SORCS3: variants seen among roughly 807,000 people sequenced by gnomAD.
SORCS3 encodes VPS10 domain-containing receptor SorCS3.
Under a neutral mutation model 146.3 loss-of-function variants are expected in SORCS3, and 57 were observed. The ratio of observed to expected loss-of-function variants is 0.39; its 90% CI spans 0.31 to 0.49. The LOEUF is 0.49. Ranked by LOEUF, SORCS3 falls within the 20% of genes least tolerant of loss-of-function variation. The pLI, the probability that SORCS3 is intolerant of heterozygous loss-of-function variation, is 0.92. For synonymous variants in SORCS3, 653 were observed against 618.5 expected, an observed-to-expected ratio of 1.06 and a Z score of -0.83; for missense variants, 1,341 against 1,575.5, an observed-to-expected ratio of 0.85 and a Z score of 2.52.
rs1564675426 is a variant in SORCS3 at position 104,751,951 on chromosome 10, ATATATATATATAT to A, written c.628-90840_628-90828del. Among the ~76,000 whole-genome samples the A allele has an allele frequency of 1.2e-3, 140 of 116,742 alleles. 5 individuals are homozygous for A. The highest frequency in any genetic ancestry group is 5.1e-3 in the African/African-American group (134 of 26,318). 76.6% of individuals were successfully genotyped at this position (116,742 alleles called of 152,430 possible). A position where few individuals can be genotyped will look rare whatever the true frequency, so the allele number is the denominator to read the frequency against. On this transcript the variant is annotated intron_variant, in intron 1 of 26. Coordinates refer to ENST00000369701, the MANE Select transcript of SORCS3 (RefSeq NM_014978.3). ...TATATATATATATATATATATATATATATATATATATATATATAATAGTTTAGCAGCAGGAATG... is the reference window on the plus strand; with the variant it reads ...TATATATATATATATATATATATATAATATAATAGTTTAGCAGCAGGAATG...
chr10:105,018,752 A>C (rs11192283), intron 4 of SORCS3, among the ~76,000 whole-genome samples: 45,947 of 152,070 alleles, frequency 0.3, 8,577 homozygotes, highest in African/African-American at 0.52. Flanking sequence ...TTGCTCCTTC[A>C]AATTCTCCCT....
chr10:105,105,776 A>C (rs1198343279), intron 7 of SORCS3, among the ~76,000 whole-genome samples: 1 of 152,192 alleles, frequency 6.6e-6, no homozygotes, highest in Non-Finnish European at 1.5e-5. Context: ...GTTTGAAGTA[A>C]CTTAGTCAAA....
intron 14 of SORCS3, among the ~76,000 whole-genome samples, chr10:105,188,470 C>G (rs888687348): frequency 5.9e-5 from 9 of 152,186 alleles, no homozygotes; most frequent in African/African-American, 2.2e-4. Context: ...AACTGTGTAC[C>G]ATCACTTCCC....
intron 1 of SORCS3, among the ~76,000 whole-genome samples, chr10:104,657,991 T>G (rs901918140): frequency 1.1e-4 from 16 of 152,328 alleles, no homozygotes; most frequent in African/African-American, 3.8e-4. Flanking sequence ...GTATAGTAAT[T>G]ACTGTAATAT....
intron 1 of SORCS3, among the ~76,000 whole-genome samples, chr10:104,789,774 C>T (rs2017475774): frequency 6.6e-6 from 1 of 152,196 alleles, no homozygotes; most frequent in Non-Finnish European, 1.5e-5. Context: ...GGGATGGGCT[C>T]TGTCTGTCCT....
intron 4 of SORCS3, among the ~76,000 whole-genome samples, chr10:105,006,639 G>A (rs1324111530): frequency 1.3e-5 from 2 of 152,018 alleles, no homozygotes; most frequent in Non-Finnish European, 2.9e-5. Context: ...CCACTTCTCT[G>A]GCCTTATCTC....
intron 19 of SORCS3, among the ~76,000 whole-genome samples, chr10:105,219,087 G>C (rs1185112007): frequency 6.6e-6 from 1 of 152,150 alleles, no homozygotes; most frequent in Admixed American, 6.5e-5. Flanking sequence ...AACTGGATGA[G>C]GTGTGCATGT....
At chr10:104,989,909 T>A (rs945389922) in intron 4 of SORCS3, among the ~76,000 whole-genome samples, 1 of 152,186 alleles carries the variant, frequency 6.6e-6, no homozygotes, top group African/African-American at 2.4e-5. Context: ...TTATGTTATT[T>A]CAACCCACTT....
chr10:104,750,382 A>G (rs1280681207), intron 1 of SORCS3, among the ~76,000 whole-genome samples: 2 of 152,206 alleles, frequency 1.3e-5, no homozygotes, highest in African/African-American at 4.8e-5. Flanking sequence ...ATGTATTTGT[A>G]TGTAAGGAAA....
intron 3 of SORCS3, among the ~76,000 whole-genome samples, chr10:104,922,024 A>G (rs557137865): frequency 6.6e-6 from 1 of 152,336 alleles, no homozygotes; most frequent in South Asian, 2.1e-4. Flanking sequence ...AGATTCTTAC[A>G]GTGAGCAAGC....
intron 5 of SORCS3, among the ~76,000 whole-genome samples, chr10:105,087,165 G>A (rs1214701660): frequency 1.3e-5 from 2 of 152,186 alleles, no homozygotes; most frequent in East Asian, 3.8e-4. Context: ...TGTTTTCCCA[G>A]CACAATTTAT....
At chr10:104,768,420 CT>C (rs1375067004) in intron 1 of SORCS3, among the ~76,000 whole-genome samples, 9 of 151,762 alleles carry the variant, frequency 5.9e-5, no homozygotes, top group East Asian at 1.9e-4. Context: ...CTGTGTCCTA[CT>C]TTTTTTTTCT....
At chr10:104,723,634 A>G (rs2016580861) in intron 1 of SORCS3, among the ~76,000 whole-genome samples, 1 of 152,124 alleles carries the variant, frequency 6.6e-6, no homozygotes, top group South Asian at 2.1e-4. Flanking sequence ...GTAGGTCTCT[A>G]AGGACTTGCT....
At chr10:104,997,342 T>C (rs1372397812) in intron 4 of SORCS3, among the ~76,000 whole-genome samples, 2 of 152,212 alleles carry the variant, frequency 1.3e-5, no homozygotes, top group East Asian at 3.9e-4. Flanking sequence ...AATCTTCAGT[T>C]TTGCCTTTCA....
intron 3 of SORCS3, among the ~76,000 whole-genome samples, chr10:104,968,194 C>A (rs959975394): frequency 2.3e-4 from 35 of 152,178 alleles, no homozygotes; most frequent in African/African-American, 8.4e-4. Flanking sequence ...CGGCTCACTG[C>A]AACCTCTGCC....
chr10:105,249,115 G>T (rs1015044082), intron 22 of SORCS3, among the ~76,000 whole-genome samples: 1 of 152,194 alleles, frequency 6.6e-6, no homozygotes, highest in Non-Finnish European at 1.5e-5. Flanking sequence ...CTAAGGAAAT[G>T]TCGTGTGGGT....
At chr10:105,254,670 G>A (rs902547767) in intron 23 of SORCS3, among the ~76,000 whole-genome samples, 10 of 151,866 alleles carry the variant, frequency 6.6e-5, no homozygotes, top group Non-Finnish European at 1.0e-4. Flanking sequence ...GTGGTGGCAC[G>A]TGCCTATAAT....
intron 7 of SORCS3, among the ~76,000 whole-genome samples, chr10:105,109,302 G>A (rs532479214): frequency 2.6e-3 from 401 of 152,142 alleles, no homozygotes; most frequent in Non-Finnish European, 4.4e-3. Context: ...CACTACAGAA[G>A]AAAGGTGAAA....
intron 3 of SORCS3, among the ~76,000 whole-genome samples, chr10:104,932,999 A>C (rs1298494709): frequency 6.6e-6 from 1 of 152,146 alleles, no homozygotes; most frequent in African/African-American, 2.4e-5. Flanking sequence ...AAAAAGTGAT[A>C]GGATTACAGA....
Sources: allele counts gnomAD v4.1 joint callset (sites outside exome capture counted in the v4.1 genomes callset), GRCh38; gene constraint gnomAD v4.1.1; transcripts MANE v1.5; gene names NCBI Gene and HGNC (gene_info 2026-07-23, HGNC 2026-07-21).